CDK8: variants seen among roughly 807,000 people sequenced by gnomAD.
CDK8 encodes cyclin dependent kinase 8, also known as cyclin-dependent kinase 8.
CDK8 carries 29 observed loss-of-function variants against 71.5 expected under a neutral mutation model. That is an observed-to-expected ratio of 0.41 (90% CI 0.30 to 0.55). The LOEUF (loss-of-function observed/expected upper bound fraction) is 0.55, where lower values mean the gene tolerates loss of function less well. CDK8 is among the 20% of genes least tolerant of loss of function. CDK8 has a pLI of 0.37. For missense variants in CDK8, 288 were observed against 572.6 expected (o/e 0.50, Z 5.07); for synonymous variants, 161 against 192.1 (o/e 0.84, Z 1.34).
intron 1 of CDK8, among the ~76,000 whole-genome samples, chr13:26,276,262 GGTAA>G (rs1166870282): frequency 7.9e-5 from 12 of 152,106 alleles, no homozygotes; most frequent in African/African-American, 2.7e-4. Flanking sequence ...TTCTGTGTTA[GGTAA>G]GTAAGAGTTC....
At chr13:26,307,873 G>A (rs983023165) in intron 1 of CDK8, among the ~76,000 whole-genome samples, 1 of 152,148 alleles carries the variant, frequency 6.6e-6, no homozygotes, top group Non-Finnish European at 1.5e-5. Flanking sequence ...CTAACTAACA[G>A]CATTGTTTTT....
At chr13:26,284,391 A>G (rs760220413) in intron 1 of CDK8, among the ~76,000 whole-genome samples, 7 of 152,362 alleles carry the variant, frequency 4.6e-5, no homozygotes, top group Middle Eastern at 6.8e-3. Flanking sequence ...TTGAAAGACC[A>G]TTAGTAAGAT....
chr13:26,259,290 A>T (rs1320932831), intron 1 of CDK8, among the ~76,000 whole-genome samples: 4 of 152,016 alleles, frequency 2.6e-5, no homozygotes, highest in Non-Finnish European at 5.9e-5. Flanking sequence ...TGGTTCAAAA[A>T]TTTTCGAGGG....
chr13:26,374,723 TA>T (rs1241387644), intron 4 of CDK8, among the ~76,000 whole-genome samples: 1 of 151,730 alleles, frequency 6.6e-6, no homozygotes, highest in African/African-American at 2.4e-5. Flanking sequence ...CAAATTAAAA[TA>T]TGTTACATTA....
intron 1 of CDK8, among the ~76,000 whole-genome samples, chr13:26,263,449 C>T (rs1871872371): frequency 7.9e-6 from 1 of 127,288 alleles, no homozygotes; most frequent in Non-Finnish European, 1.7e-5. Context: ...TAGGTATTAC[C>T]TTTTTTTTTG....
intron 1 of CDK8, among the ~76,000 whole-genome samples, chr13:26,290,581 A>G (rs1363731295): frequency 6.6e-6 from 1 of 151,830 alleles, no homozygotes; most frequent in Non-Finnish European, 1.5e-5. Context: ...CAAACCCCAC[A>G]CCCCTTTTCT....
Position 26,401,522 on chromosome 13 carries a change from G to A in CDK8, c.1167G>A (p.Gly389=). The change falls in exon 12 of 13, where the codon GGG becomes GGA. Residue 389 remains glycine (G), a synonymous_variant. Transcript: ENST00000381527. This position sits in a 1 kb window ranked among gnomAD's most constrained non-coding sequence, Gnocchi z 4.5. ...NNHTNGTGHP[G]NQDSSHTQGP... ...ACACTAATGGAACTGGCCACCCAGGGAATCAAGACAGCAGTCACACACAGG... is the reference window on the plus strand; with the variant it reads ...ACACTAATGGAACTGGCCACCCAGGAAATCAAGACAGCAGTCACACACAGG... 2 of 1,614,158 alleles carry A rather than the reference G, an allele frequency of 1.2e-6. No homozygotes were observed. Among genetic ancestry groups the A allele is most frequent in the Non-Finnish European group, 1.7e-6 (2 of 1,180,002 alleles).
In CDK8 at chr13:26,297,286, A is replaced by T. The variant is rs1024762865; in HGVS notation, c.129-40281A>T. 1.7e-4 allele frequency among the ~76,000 whole-genome samples: 26 copies of T among 152,022 alleles called. 1 individual carries two copies. Among genetic ancestry groups the T allele is most frequent in the Admixed American group, 7.9e-4 (12 of 15,202 alleles). On this transcript the variant is annotated intron_variant, in intron 1 of 12. Coordinates refer to ENST00000381527, the MANE Select transcript of CDK8 (RefSeq NM_001260.3). ...CTCATACAAATGGAATGGAAAAGCC[A>T]ATATTAAGAATAGGGGCCTTTAAAG...
intron 5 of CDK8, among the ~76,000 whole-genome samples, chr13:26,384,518 A>T (rs763375563): frequency 1.2e-4 from 19 of 152,340 alleles, no homozygotes; most frequent in South Asian, 4.1e-4. Context: ...CCATGCCCGA[A>T]TAACTACACT....
At chr13:26,333,088 T>C (rs1046430888) in intron 1 of CDK8, among the ~76,000 whole-genome samples, 2 of 152,160 alleles carry the variant, frequency 1.3e-5, no homozygotes, top group African/African-American at 4.8e-5. Flanking sequence ...GTGATGCTAC[T>C]GTGCTGCTTA....
At chr13:26,293,205 A>AT (rs1482840825) in intron 1 of CDK8, among the ~76,000 whole-genome samples, 1 of 152,166 alleles carries the variant, frequency 6.6e-6, no homozygotes, top group Non-Finnish European at 1.5e-5. Flanking sequence ...TTTCATATGT[A>AT]TATATAATTT....
chr13:26,329,483 G>GTTTTTT (rs543441898), intron 1 of CDK8, among the ~76,000 whole-genome samples: 16 of 128,446 alleles, frequency 1.2e-4, no homozygotes, highest in East Asian at 4.4e-4. Flanking sequence ...TTTTTTTTTT[G>GTTTTTT]TTTTTTTTTT....
chr13:26,257,282 G>A (rs17083511), intron 1 of CDK8, among the ~76,000 whole-genome samples: 8,082 of 151,708 alleles, frequency 0.053, 260 homozygotes, highest in Non-Finnish European at 0.064. Flanking sequence ...GTATGTAAAC[G>A]TTGTATCCTT....
intron 1 of CDK8, among the ~76,000 whole-genome samples, chr13:26,313,813 T>G (rs1555228988): frequency 2.0e-5 from 3 of 152,150 alleles, no homozygotes; most frequent in Non-Finnish European, 4.4e-5. Flanking sequence ...TTTACTCCTT[T>G]AACTCAGAAA....
chr13:26,363,749 C>T (rs1874257305), intron 4 of CDK8, among the ~76,000 whole-genome samples: 1 of 152,102 alleles, frequency 6.6e-6, no homozygotes, highest in South Asian at 2.1e-4. Flanking sequence ...TTTGGAATCA[C>T]TAAGTGGGAC....
At chr13:26,293,030 G>A (rs1461439248) in intron 1 of CDK8, among the ~76,000 whole-genome samples, 1 of 152,092 alleles carries the variant, frequency 6.6e-6, no homozygotes, top group East Asian at 1.9e-4. Flanking sequence ...GTGATTCCAT[G>A]GTGTAATGGC....
intron 1 of CDK8, among the ~76,000 whole-genome samples, chr13:26,308,574 G>A (rs1874143191): frequency 1.3e-5 from 2 of 152,262 alleles, no homozygotes; most frequent in East Asian, 3.9e-4. Flanking sequence ...ATAAGTTTTG[G>A]TCCCTGTTAG....
chr13:26,299,588 T>G (rs1274650278), intron 1 of CDK8, among the ~76,000 whole-genome samples: 6 of 152,226 alleles, frequency 3.9e-5, no homozygotes, highest in African/African-American at 1.4e-4. Context: ...ACTGGCAAGC[T>G]CTGCTGAATG....
chr13:26,267,067 T>C (rs1872052462), intron 1 of CDK8, among the ~76,000 whole-genome samples: 1 of 152,230 alleles, frequency 6.6e-6, no homozygotes, highest in Non-Finnish European at 1.5e-5. Context: ...TCAAAAATAT[T>C]ATGCATCTTT....
Sources: gnomAD v4.1 joint callset for allele counts (sites outside exome capture counted in the v4.1 genomes callset) on GRCh38, gnomAD v4.1.1 for gene constraint, Gnocchi (gnomAD v3.1) non-coding constraint, MANE v1.5 for transcripts, NCBI Gene and HGNC (gene_info 2026-07-23, HGNC 2026-07-21) for gene names.